ADAMTS2: variants seen among roughly 807,000 people sequenced by gnomAD.
The protein encoded by ADAMTS2 is A disintegrin and metalloproteinase with thrombospondin motifs 2.
A neutral mutation model predicts 123.0 loss-of-function variants in ADAMTS2; 50 were observed. The observed-to-expected ratio is 0.41, with a 90% CI of 0.32 to 0.51. ADAMTS2 has a LOEUF of 0.51. Among genes scored for constraint, ADAMTS2 ranks in the 20% least tolerant of loss-of-function variants. ADAMTS2 has a pLI of 0.35. For missense variants in ADAMTS2, 1,494 were observed against 1,705.2 expected, an observed-to-expected ratio of 0.88 and a Z score of 2.18; for synonymous variants, 678 against 695.4, an observed-to-expected ratio of 0.98 and a Z score of 0.39.
chr5:179,114,789 G>A (rs945464029), intron 21 of ADAMTS2, among the ~76,000 whole-genome samples: 1 of 152,136 alleles, frequency 6.6e-6, no homozygotes, highest in Non-Finnish European at 1.5e-5. Context: ...AAACCTAAAA[G>A]AGCCAATTCC....
intron 4 of ADAMTS2, 75 bp downstream of exon 4, chr5:179,207,438 C>G: frequency 6.6e-7 from 1 of 1,506,846 alleles, no homozygotes; most frequent in Non-Finnish European, 9.2e-7. Context: ...CCTGGCCCAG[C>G]TGGGCCTCTC....
At chr5:179,340,129 T>A (rs1171479464) in intron 2 of ADAMTS2, among the ~76,000 whole-genome samples, 2 of 152,232 alleles carry the variant, frequency 1.3e-5, no homozygotes, top group Non-Finnish European at 2.9e-5. Flanking sequence ...GGGGTTCGCA[T>A]CAAGCATCCA....
In ADAMTS2 at chr5:179,199,105, C is replaced by T. The variant is rs115696979; in HGVS notation, c.891+8408G>A. 3.2e-3 allele frequency among the ~76,000 whole-genome samples: 492 copies of T among 152,278 alleles called. 2 individuals are homozygous for T. Among genetic ancestry groups the T allele is most frequent in the African/African-American group, 0.011 (474 of 41,542 alleles). On this transcript the variant is annotated intron_variant, in intron 4 of 21. Coordinates refer to ENST00000251582, the MANE Select transcript of ADAMTS2 (RefSeq NM_014244.5). ...AGCGCAGGGCTCAGGTTTCTGGGCT[C>T]GCCCTAGGGACAGGCTGACTTCATA...
intron 3 of ADAMTS2, among the ~76,000 whole-genome samples, chr5:179,209,917 C>T (rs905901623): frequency 3.9e-5 from 6 of 152,324 alleles, no homozygotes; most frequent in African/African-American, 1.2e-4. Context: ...GGGAACAGGC[C>T]GGGCGTTACC....
At chr5:179,238,497 C>T (rs895480972) in intron 3 of ADAMTS2, among the ~76,000 whole-genome samples, 6 of 151,908 alleles carry the variant, frequency 3.9e-5, no homozygotes, top group Non-Finnish European at 7.4e-5. Context: ...GCAGGTGGTG[C>T]GGGGGGAGCT....
In ADAMTS2 at chr5:179,207,471, A is replaced by ACCCCGCCCCC; in HGVS notation, c.891+41_891+42insGGGGGCGGGG. ...CTCTGGCCTGCCCAGCCCCTGGTTG[A>ACCCCGCCCCC]CCCTCCCCGCCCCACCCTGCCCCCT... On this transcript the variant is annotated intron_variant, in intron 4 of 21. Coordinates refer to ENST00000251582, the MANE Select transcript of ADAMTS2 (RefSeq NM_014244.5). 1.9e-6 allele frequency: 2 copies of ACCCCGCCCCC among 1,026,474 alleles called. 1 individual carries two copies. The highest frequency in any genetic ancestry group is 3.0e-6 in the Non-Finnish European group (2 of 657,456). 63.6% of individuals were successfully genotyped at this position (1,026,474 alleles called of 1,614,324 possible). A position where few individuals can be genotyped will look rare whatever the true frequency, so the allele number is the denominator to read the frequency against.
At chr5:179,134,635 T>C (rs969232053) in intron 13 of ADAMTS2, among the ~76,000 whole-genome samples, 1 of 152,184 alleles carries the variant, frequency 6.6e-6, no homozygotes, top group African/African-American at 2.4e-5. Context: ...GTATTTGGTG[T>C]CGCCATCTCT....
chr5:179,119,717 G>T (rs1762721152), intron 21 of ADAMTS2, among the ~76,000 whole-genome samples: 1 of 152,196 alleles, frequency 6.6e-6, no homozygotes, highest in African/African-American at 2.4e-5. Flanking sequence ...CCAAGGCCGA[G>T]AACTGTGCCT....
chr5:179,295,425 C>A (rs1181124238), intron 2 of ADAMTS2, among the ~76,000 whole-genome samples: 2 of 152,222 alleles, frequency 1.3e-5, no homozygotes, highest in African/African-American at 4.8e-5. Flanking sequence ...CCCCGCCCTG[C>A]AAGCTCCCTC....
At chr5:179,196,097 A>G (rs1262158828) in intron 4 of ADAMTS2, among the ~76,000 whole-genome samples, 1 of 152,044 alleles carries the variant, frequency 6.6e-6, no homozygotes, top group East Asian at 1.9e-4. Flanking sequence ...CGGTCTCAGC[A>G]CTCGTGAAAG....
At chr5:179,263,898 G>C (rs886483746) in intron 3 of ADAMTS2, among the ~76,000 whole-genome samples, 1 of 152,206 alleles carries the variant, frequency 6.6e-6, no homozygotes, top group Admixed American at 6.5e-5. Flanking sequence ...AAAGAGAAAC[G>C]GGTCAAAGAA....
rs887671852 is a variant in ADAMTS2, at chr5:179,188,387, G to A, written c.892-7232C>T. On this transcript the variant is annotated intron_variant, in intron 4 of 21. Coordinates refer to ENST00000251582, the MANE Select transcript of ADAMTS2 (RefSeq NM_014244.5). This position sits in a 1 kb window ranked among gnomAD's most constrained non-coding sequence, Gnocchi z 5.1. ...GGACCACCAGGATGGAGGCAGAGAA[G>A]AGAGTGCAGCCAGGAGCAGGGGACA... Among the ~76,000 whole-genome samples, 1 of 152,114 alleles carries A rather than the reference G, an allele frequency of 6.6e-6. No homozygotes were observed. Among genetic ancestry groups the A allele is most frequent in the African/African-American group, 2.4e-5 (1 of 41,458 alleles).
intron 2 of ADAMTS2, among the ~76,000 whole-genome samples, chr5:179,280,678 C>T (rs542428545): frequency 2.0e-5 from 3 of 152,216 alleles, no homozygotes; most frequent in Middle Eastern, 3.4e-3. Flanking sequence ...CCTCTCTCTC[C>T]GGGCTTCTAT....
At position 179,159,793 on chromosome 5, in the gene ADAMTS2, G is replaced by A. The variant is rs140998136; in HGVS notation, c.976-914C>T. Among the ~76,000 whole-genome samples, 15 of 152,242 alleles carry A rather than the reference G, an allele frequency of 9.9e-5. No individual in the cohort carries two copies. The East Asian group carries it at 2.7e-3, about 27-fold the overall frequency. On this transcript the variant is annotated intron_variant, in intron 5 of 21. Coordinates refer to ENST00000251582, the MANE Select transcript of ADAMTS2 (RefSeq NM_014244.5). ...ACTAGGAAGTAGGAGAATTGAGATC[G>A]GATCCCAAGAAGGCTGAAACCAAAA...
chr5:179,306,454 C>T (rs533143541), intron 2 of ADAMTS2, among the ~76,000 whole-genome samples: 18 of 152,304 alleles, frequency 1.2e-4, no homozygotes, highest in East Asian at 3.9e-4. Context: ...GAGAAAGAAA[C>T]GTGCTCAACC....
rs1396298529 is a variant in ADAMTS2 at position 179,117,880 on chromosome 5, G to C, written c.3179-3556C>G. Among the ~76,000 whole-genome samples the C allele has an allele frequency of 2.6e-5, 4 of 152,218 alleles. No individual in the cohort carries two copies. Among genetic ancestry groups the C allele is most frequent in the African/African-American group, 9.6e-5 (4 of 41,452 alleles). ...GCTGCTTTCCCACTATAAAGGCAGA[G>C]CTGAGTCCTGTGACAGAGACCATGT... On this transcript the variant is annotated intron_variant, in intron 21 of 21. Transcript: ENST00000251582. This position sits in a 1 kb window ranked among gnomAD's most constrained non-coding sequence, Gnocchi z 4.2.
chr5:179,151,161 T>A (rs1763349528), intron 10 of ADAMTS2: 1 of 365,490 alleles, frequency 2.7e-6, no homozygotes, highest in Non-Finnish European at 5.7e-6. Flanking sequence ...CCTCCCAAAG[T>A]GCTGGGATAA....
intron 3 of ADAMTS2, among the ~76,000 whole-genome samples, chr5:179,227,276 T>A (rs569054746): frequency 1.3e-5 from 2 of 152,224 alleles, no homozygotes; most frequent in South Asian, 2.1e-4. Context: ...ATGGCTGCAA[T>A]CCTTAGTCCA....
Position 179,118,928 on chromosome 5 carries a change from C to T in ADAMTS2, c.3178+2733G>A, listed in dbSNP as rs189442707. 1.3e-3 allele frequency among the ~76,000 whole-genome samples: 201 copies of T among 152,338 alleles called. 1 individual carries two copies. The highest frequency in any genetic ancestry group is 2.1e-3 in the Admixed American group (32 of 15,314). Reference sequence around the variant, plus strand: ...TGCACCACCGAATCACCTTCCATTTCCCATGCTTTGGAAAATGCTGGATGG... The same window carrying T: ...TGCACCACCGAATCACCTTCCATTTTCCATGCTTTGGAAAATGCTGGATGG... On this transcript the variant is annotated intron_variant, in intron 21 of 21. Transcript: ENST00000251582. The surrounding 1 kb of genome is among the most constrained non-coding windows in gnomAD (Gnocchi z 4.5).
Sources: gnomAD v4.1 joint callset for allele counts (sites outside exome capture counted in the v4.1 genomes callset) on GRCh38, gnomAD v4.1.1 for gene constraint, Gnocchi (gnomAD v3.1) non-coding constraint, MANE v1.5 for transcripts, NCBI Gene and HGNC (gene_info 2026-07-23, HGNC 2026-07-21) for gene names.